The following UBE4B variants were observed in gnomAD, a reference collection of about 807,000 sequenced individuals.
The protein encoded by UBE4B is ubiquitination factor E4B.
UBE4B carries 27 observed loss-of-function variants against 148.1 expected under a neutral mutation model. The ratio of observed to expected loss-of-function variants is 0.18; its 90% CI spans 0.13 to 0.25. The LOEUF (loss-of-function observed/expected upper bound fraction) is 0.25. UBE4B is among the 10% of genes least tolerant of loss of function. UBE4B has a pLI of 1.00. For missense variants in UBE4B, 1,170 were observed against 1,662.4 expected (o/e 0.70, Z 5.15); for synonymous variants, 596 against 619.3 (o/e 0.96, Z 0.56).
rs781272283 is a variant in UBE4B, at chr1:10,095,469, C to T, written c.220C>T (p.His74Tyr). 2.0e-5 allele frequency: 33 copies of T among 1,613,888 alleles called. No individual in the cohort carries two copies. Among genetic ancestry groups the T allele is most frequent in the South Asian group, 5.5e-5 (5 of 91,078 alleles). Residue 74 changes from histidine (H) to tyrosine (Y), a missense_variant, in exon 3 of 28, where the codon CAT becomes TAT. Physicochemically the swap from His to Tyr is moderately conservative, Grantham distance 83 (BLOSUM62 2). Transcript: ENST00000343090. ...CTGTGTTTTCTGTTTAGGAGTAGCCCATCGAAGCCAGAGCAGTGAAGGAGT... is the reference window on the plus strand; with the variant it reads ...CTGTGTTTTCTGTTTAGGAGTAGCCTATCGAAGCCAGAGCAGTGAAGGAGT... ...TSPIGASGVA[H>Y]RSQSSEGVSS...
chr1:10,143,367 C>G lies in UBE4B; in HGVS notation c.2364-1573C>G, dbSNP rs77949343. Reference sequence around the variant, plus strand: ...CAGTGAGCCAGATGATGCCAGTTTACTCCAGCCTGGGCAATAGAGTGAGGC... The same window carrying G: ...CAGTGAGCCAGATGATGCCAGTTTAGTCCAGCCTGGGCAATAGAGTGAGGC... On this transcript the variant is annotated intron_variant, in intron 17 of 27. Coordinates refer to ENST00000343090, the MANE Select transcript of UBE4B (RefSeq NM_001105562.3). Among the ~76,000 whole-genome samples the G allele has an allele frequency of 1.2e-3, 184 of 152,132 alleles. 4 individuals are homozygous for G. The East Asian group carries it at 0.031, about 25-fold the overall frequency.
intron 14 of UBE4B, 56 bp from the exon 15 acceptor site, chr1:10,132,307 CAAAAAG>C: frequency 7.3e-7 from 1 of 1,367,210 alleles, no homozygotes. Context: ...TTCGTGAAGT[CAAAAAG>C]GAATCATGTG....
intron 21 of UBE4B, among the ~76,000 whole-genome samples, chr1:10,157,221 A>C (rs543474795): frequency 3.3e-5 from 5 of 152,146 alleles, no homozygotes; most frequent in African/African-American, 9.6e-5. Context: ...GGGTTTTGCT[A>C]TGTTGGCCAG....
intron 1 of UBE4B, among the ~76,000 whole-genome samples, chr1:10,055,691 G>A (rs1644153280): frequency 6.6e-6 from 1 of 152,130 alleles, no homozygotes; most frequent in Admixed American, 6.6e-5. Context: ...AGGCCAAGGT[G>A]GGCAGATCAC....
chr1:10,033,722 G>A, intron 1 of UBE4B, 28 bp downstream of exon 1: 2 of 1,544,640 alleles, frequency 1.3e-6, no homozygotes. Context: ...CACCTTGAGG[G>A]ATTAGTTGGC....
intron 1 of UBE4B, among the ~76,000 whole-genome samples, chr1:10,070,920 A>G (rs1170661355): frequency 6.6e-6 from 1 of 151,990 alleles, no homozygotes; most frequent in East Asian, 1.9e-4. Context: ...TTATTCATTA[A>G]TTTATTTTGG....
At chr1:10,103,813 A>C (rs1645057177) in intron 5 of UBE4B, among the ~76,000 whole-genome samples, 2 of 151,896 alleles carry the variant, frequency 1.3e-5, no homozygotes, top group Admixed American at 6.6e-5. Flanking sequence ...TTTTTAGTAG[A>C]GACAGGGTTT....
At chr1:10,155,773 A>G (rs1158014947) in intron 21 of UBE4B, among the ~76,000 whole-genome samples, 1 of 152,252 alleles carries the variant, frequency 6.6e-6, no homozygotes, top group Non-Finnish European at 1.5e-5. Context: ...CTGTAATCCT[A>G]GCACTTTGGG....
intron 1 of UBE4B, among the ~76,000 whole-genome samples, chr1:10,048,067 T>G (rs1643951208): frequency 6.6e-6 from 1 of 152,132 alleles, no homozygotes; most frequent in South Asian, 2.1e-4. Context: ...TAGGCTGGTC[T>G]TGAACTCCTG....
chr1:10,034,918 TAAGTG>T (rs879808485), intron 1 of UBE4B, among the ~76,000 whole-genome samples: 4 of 152,234 alleles, frequency 2.6e-5, no homozygotes, highest in African/African-American at 7.2e-5. Flanking sequence ...AATGTAATCT[TAAGTG>T]AAGAGAATAT....
chr1:10,111,549 G>A (rs1215793553), intron 7 of UBE4B, among the ~76,000 whole-genome samples: 3 of 152,110 alleles, frequency 2.0e-5, no homozygotes, highest in Non-Finnish European at 2.9e-5. Flanking sequence ...GCCTGGTTCC[G>A]TGCACTATTC....
intron 1 of UBE4B, among the ~76,000 whole-genome samples, chr1:10,035,230 C>T (rs1235658267): frequency 6.6e-6 from 1 of 151,496 alleles, no homozygotes; most frequent in African/African-American, 2.4e-5. Context: ...ATCTCTTGAC[C>T]TCGTGATGCA....
At position 10,168,062 on chromosome 1, in the gene UBE4B, G is replaced by A; in HGVS notation, c.3199-74G>A. 1 of 1,527,086 alleles carries A rather than the reference G, an allele frequency of 6.5e-7. No individual in the cohort carries two copies. The highest frequency in any genetic ancestry group is 8.8e-7 in the Non-Finnish European group (1 of 1,134,762). 94.6% of individuals were successfully genotyped at this position (1,527,086 alleles called of 1,614,324 possible). A position where few individuals can be genotyped will look rare whatever the true frequency, so the allele number is the denominator to read the frequency against. The stretch of plus-strand genomic sequence containing the variant: ...TGTTGGGTTTATCACGCACTTTCCA[G>A]TTATGTGCTTGGCGCTTTGCTGAGC... On this transcript the variant is annotated intron_variant, in intron 23 of 27. Coordinates refer to ENST00000343090, the MANE Select transcript of UBE4B (RefSeq NM_001105562.3). This position sits in a 1 kb window ranked among gnomAD's most constrained non-coding sequence, Gnocchi z 4.9.
At chr1:10,070,344 A>G (rs1644463222) in intron 1 of UBE4B, among the ~76,000 whole-genome samples, 1 of 151,728 alleles carries the variant, frequency 6.6e-6, no homozygotes, top group African/African-American at 2.4e-5. Flanking sequence ...GAAGAATAAG[A>G]TGAATACCCA....
chr1:10,174,308 G>A (rs1277298875), intron 25 of UBE4B, among the ~76,000 whole-genome samples: 2 of 151,488 alleles, frequency 1.3e-5, no homozygotes, highest in Non-Finnish European at 2.9e-5. Context: ...CAGGAGAATA[G>A]CTTGAACCCG....
At chr1:10,062,605 C>A (rs531809294) in intron 1 of UBE4B, among the ~76,000 whole-genome samples, 55 of 152,238 alleles carry the variant, frequency 3.6e-4, no homozygotes, top group Middle Eastern at 6.8e-3. Context: ...AGCCGCTGTA[C>A]CGGCCGCCTT....
At chr1:10,160,662 C>G (rs183835001) in intron 22 of UBE4B, among the ~76,000 whole-genome samples, 1 of 152,094 alleles carries the variant, frequency 6.6e-6, no homozygotes, top group African/African-American at 2.4e-5. Context: ...ATAACAAAAT[C>G]CAGGCCAGGT....
rs185323658 is a variant in UBE4B, at chr1:10,130,487, A to G, written c.1696-13A>G. The G allele has an allele frequency of 0.013, 20,331 of 1,612,936 alleles. 161 individuals carry two copies. Among genetic ancestry groups the G allele is most frequent in the Non-Finnish European group, 0.015 (17,967 of 1,179,410 alleles). ...GTTCAGCGGCTTGACTGGCTCTTCCATCTTCTGCCTAGGTTGCTTCTTTGC... is the reference window on the plus strand; with the variant it reads ...GTTCAGCGGCTTGACTGGCTCTTCCGTCTTCTGCCTAGGTTGCTTCTTTGC... On this transcript the variant is annotated splice_polypyrimidine_tract_variant and intron_variant, in intron 12 of 27. Transcript: ENST00000343090.
chr1:10,168,006 T>C lies in UBE4B; in HGVS notation c.3199-130T>C, dbSNP rs1646280121. ...GATGAAACTTCAGTTATCTGGGACA[T>C]GTGGCAGGCGGTTCTGTCATTCCCT... On this transcript the variant is annotated intron_variant, in intron 23 of 27. Transcript: ENST00000343090. The surrounding 1 kb of genome is among the most constrained non-coding windows in gnomAD (Gnocchi z 4.9). 1 of 1,116,818 alleles carries C rather than the reference T, an allele frequency of 9.0e-7. No homozygotes were observed. Among genetic ancestry groups the C allele is most frequent in the East Asian group, 2.8e-5 (1 of 35,414 alleles). 69.2% of individuals were successfully genotyped at this position (1,116,818 alleles called of 1,614,324 possible). A position where few individuals can be genotyped will look rare whatever the true frequency, so the allele number is the denominator to read the frequency against.
Sources: allele counts gnomAD v4.1 joint callset (sites outside exome capture counted in the v4.1 genomes callset), GRCh38; gene constraint gnomAD v4.1.1; non-coding constraint Gnocchi (gnomAD v3.1); transcripts MANE v1.5; gene names NCBI Gene and HGNC (gene_info 2026-07-23, HGNC 2026-07-21).